Variants in BAIAP3 observed in about 807,000 individuals in gnomAD.
The protein encoded by BAIAP3 is BAI1-associated protein 3.
A neutral mutation model predicts 149.7 loss-of-function variants in BAIAP3; 180 were observed. That is an observed-to-expected ratio of 1.20 (90% CI 1.07 to 1.36). The LOEUF (loss-of-function observed/expected upper bound fraction) is 1.36. Ranked by LOEUF, BAIAP3 falls within the 40% of genes most tolerant of loss-of-function variation. The pLI is 0.00. For synonymous variants in BAIAP3, 845 were observed against 670.7 expected (o/e 1.26, Z -4.02); for missense variants, 1,767 against 1,563.4 (o/e 1.13, Z -2.20).
intron 1 of BAIAP3, among the ~76,000 whole-genome samples, 181 bp downstream of exon 1, chr16:1,333,930 CTG>C (rs2033290697): frequency 3.3e-5 from 5 of 152,154 alleles, no homozygotes; most frequent in Admixed American, 2.6e-4. Context: ...CCTGGGGAAA[CTG>C]AGGCCGCGCA....
At position 1,348,233 on chromosome 16, in the gene BAIAP3, C is replaced by A. The variant is rs2034526014; in HGVS notation, c.3287C>A (p.Pro1096His). Residue 1096 changes from proline (P) to histidine (H), a missense_variant, in exon 33 of 34, where the codon CCC (proline) becomes CAC (histidine). By Grantham distance (77) the Pro-to-His change is moderately conservative (BLOSUM62 -2). Coordinates refer to ENST00000426824, the MANE Select transcript of BAIAP3 (RefSeq NM_001199097.2). ...GLGGVTGVAR[P>H]QVGGGARAGQ... ...GGTGGCGTCACTGGTGTCGCCCGGC[C>A]CCAGGTGGGCGGGGGTGCAAGGGCT... 3 of 1,606,328 alleles carry A rather than the reference C, an allele frequency of 1.9e-6. No individual in the cohort carries two copies. Among genetic ancestry groups the A allele is most frequent in the African/African-American group, 2.7e-5 (2 of 74,904 alleles).
intron 22 of BAIAP3, 157 bp downstream of exon 22, chr16:1,345,529 A>AGCCTCCCCCACAACCCCC: frequency 1.7e-6 from 1 of 593,514 alleles, no homozygotes; most frequent in Non-Finnish European, 2.4e-6. Flanking sequence ...CCGCAACCCC[A>AGCCTCCCCCACAACCCCC]GCCTCCCCAG....
rs1207153916 is a variant in BAIAP3 at position 1,342,244 on chromosome 16, C to T, written c.918C>T (p.His306=). The change falls in exon 11 of 34, where the codon CAC becomes CAT. Residue 306 remains histidine, a synonymous_variant. Transcript: ENST00000426824. ...ANGTAGPTED[H]TDDFLGCLNI... Reference sequence around the variant, plus strand: ...GGACAGCAGGACCCACCGAGGACCACACCGATGACTTCCTGGGGTGCCTCA... The same window carrying T: ...GGACAGCAGGACCCACCGAGGACCATACCGATGACTTCCTGGGGTGCCTCA... The T allele has an allele frequency of 6.2e-7, 1 of 1,612,594 alleles. No homozygotes were observed. The highest frequency in any genetic ancestry group is 8.5e-7 in the Non-Finnish European group (1 of 1,179,832).
In BAIAP3 at chr16:1,344,456, G is replaced by A. The variant is rs773460677; in HGVS notation, c.1603-13G>A. On this transcript the variant is annotated splice_polypyrimidine_tract_variant and intron_variant, in intron 17 of 33. Coordinates refer to ENST00000426824, the MANE Select transcript of BAIAP3 (RefSeq NM_001199097.2). The stretch of plus-strand genomic sequence containing the variant: ...TGCAATCCACCATGCTGTCTTGGTG[G>A]TGTCTGTTGCAGAGAGGCAACCGTG... 6.2e-7 allele frequency: 1 copy of A among 1,613,454 alleles called. No homozygotes were observed. The highest frequency in any genetic ancestry group is 8.5e-7 in the Non-Finnish European group (1 of 1,180,000).
At chr16:1,346,569 G>A (rs1297281954) in intron 26 of BAIAP3, 36 bp from the exon 27 acceptor site, 1 of 1,570,972 alleles carries the variant, frequency 6.4e-7, no homozygotes, top group Non-Finnish European at 8.6e-7. Context: ...GGGCAGAGGT[G>A]CGGGGTAAGC....
chr16:1,345,326 G>C lies in BAIAP3; in HGVS notation c.2018G>C (p.Arg673Thr). Reference protein sequence around the residue: ...PAVKLWFQVLRDQAKWRLQGA... With the variant: ...PAVKLWFQVLTDQAKWRLQGA... The stretch of plus-strand genomic sequence containing the variant: ...GTGAAGCTCTGGTTCCAAGTGCTGA[G>C]GGACCAGGCCAAGTGGAGGCTTCAG... Residue 673 changes from arginine to threonine, a missense_variant, in exon 22 of 34, where the codon AGG becomes ACG. Physicochemically the swap from Arg to Thr is moderately conservative, Grantham distance 71 (BLOSUM62 -1). Coordinates refer to ENST00000426824, the MANE Select transcript of BAIAP3 (RefSeq NM_001199097.2). 3 of 1,613,082 alleles carry C rather than the reference G, an allele frequency of 1.9e-6. No individual in the cohort carries two copies. Among genetic ancestry groups the C allele is most frequent in the Non-Finnish European group, 2.5e-6 (3 of 1,179,900 alleles).
chr16:1,344,403 G>C (rs954625802), intron 17 of BAIAP3, 66 bp from the exon 18 acceptor site: 5 of 1,610,108 alleles, frequency 3.1e-6, no homozygotes, highest in East Asian at 4.5e-5. Context: ...TCTGCACCAC[G>C]GTCTCTTGCC....
Position 1,349,370 on chromosome 16 carries a change from A to G in BAIAP3, c.*888A>G. 6.3e-7 allele frequency: 1 copy of G among 1,587,976 alleles called. No individual in the cohort carries two copies. Among genetic ancestry groups the G allele is most frequent in the Non-Finnish European group, 8.6e-7 (1 of 1,157,312 alleles). On this transcript the variant is annotated 3_prime_UTR_variant, in exon 34 of 34. Coordinates refer to ENST00000426824, the MANE Select transcript of BAIAP3 (RefSeq NM_001199097.2). ...GCAAAGAGCCGAGGCTGCCAGGCCC[A>G]TTTATGTCCCTCATGTCTCTAGATT...
chr16:1,345,177 A>G, intron 21 of BAIAP3, 72 bp from the exon 22 acceptor site: 1 of 1,609,224 alleles, frequency 6.2e-7, no homozygotes, highest in Non-Finnish European at 8.5e-7. Context: ...ACGGTCCTGG[A>G]GCTGTGAGCC....
chr16:1,347,769 G>C lies in BAIAP3; in HGVS notation c.2973G>C (p.Arg991=). 2.5e-6 allele frequency: 4 copies of C among 1,609,388 alleles called. No individual in the cohort carries two copies. The highest frequency in any genetic ancestry group is 3.4e-6 in the Non-Finnish European group (4 of 1,177,386). ...VRCHYEAAEQ[R]LAVEVLHAAD... ...GCCATTACGAGGCGGCTGAGCAGCG[G>C]CTGGCCGTGGAGGTGCTGCACGCCG... The change falls in exon 31 of 34, where the codon CGG becomes CGC. Residue 991 remains arginine (R), a synonymous_variant. Coordinates refer to ENST00000426824, the MANE Select transcript of BAIAP3 (RefSeq NM_001199097.2).
At position 1,347,248 on chromosome 16, in the gene BAIAP3, C is replaced by T. The variant is rs745756238; in HGVS notation, c.2752-50C>T. ...TTGTGCTGGGGGTCTCTACCTGTCC[C>T]CAGCACAAGCCAGGCTCCCTGACAC... is the stretch of plus-strand genomic sequence containing the variant. On this transcript the variant is annotated intron_variant, in intron 28 of 33. Coordinates refer to ENST00000426824, the MANE Select transcript of BAIAP3 (RefSeq NM_001199097.2). 13 of 1,585,262 alleles carry T rather than the reference C, an allele frequency of 8.2e-6. No homozygotes were observed. The African/African-American group carries it at 1.5e-4, about 18-fold the overall frequency.
intron 5 of BAIAP3, among the ~76,000 whole-genome samples, chr16:1,340,670 ACTC>A (rs1389180163): frequency 6.6e-6 from 1 of 152,072 alleles, no homozygotes; most frequent in African/African-American, 2.4e-5. Flanking sequence ...TGTGCTCTGA[ACTC>A]CCCTGTCCTC....
chr16:1,344,864 T>C lies in BAIAP3; in HGVS notation c.1809+15T>C. The C allele has an allele frequency of 6.2e-7, 1 of 1,613,700 alleles. No individual in the cohort carries two copies. Among genetic ancestry groups the C allele is most frequent in the Non-Finnish European group, 8.5e-7 (1 of 1,180,022 alleles). ...TGGAGCGTCTGGTGAGGAGGGTCCC[T>C]GACCCCGGGTGCCTGCCAGGCATGG... is the stretch of plus-strand genomic sequence containing the variant. On this transcript the variant is annotated intron_variant, in intron 20 of 33. Transcript: ENST00000426824.
chr16:1,342,129 C>T, intron 10 of BAIAP3, 52 bp from the exon 11 acceptor site: 1 of 1,567,902 alleles, frequency 6.4e-7, no homozygotes, highest in Non-Finnish European at 8.7e-7. Flanking sequence ...GCCCGGCGGG[C>T]AGTGGCTCCC....
intron 5 of BAIAP3, 37 bp downstream of exon 5, chr16:1,339,640 C>T: frequency 6.6e-7 from 1 of 1,523,510 alleles, no homozygotes; most frequent in Non-Finnish European, 9.0e-7. Flanking sequence ...ACCCTGACAG[C>T]TTCCCCACCT....
chr16:1,341,451 C>T lies in BAIAP3; in HGVS notation c.693C>T (p.Ser231=), dbSNP rs1221926683. ...AKCIQVTEVK[S]STLNPVWKEH... The stretch of plus-strand genomic sequence containing the variant: ...GCATCCAGGTCACCGAGGTGAAGAG[C>T]AGCACCCTGAACCCCGTCTGGAAGG... The change falls in exon 8 of 34, where the codon AGC becomes AGT. Residue 231 remains serine (S), a synonymous_variant. Transcript: ENST00000426824. 2.5e-6 allele frequency: 4 copies of T among 1,612,316 alleles called. No individual in the cohort carries two copies. The African/African-American group carries it at 5.3e-5, about 22-fold the overall frequency.
Position 1,341,467 on chromosome 16 carries a change from G to A in BAIAP3, c.709G>A (p.Val237Ile), listed in dbSNP as rs752184065. 61 of 1,611,034 alleles carry A rather than the reference G, an allele frequency of 3.8e-5. No individual in the cohort carries two copies. The highest frequency in any genetic ancestry group is 1.8e-4 in the Admixed American group (11 of 59,962). The change falls in exon 8 of 34, where the codon GTC becomes ATC. Residue 237 changes from valine to isoleucine, a missense_variant. Coordinates refer to ENST00000426824, the MANE Select transcript of BAIAP3 (RefSeq NM_001199097.2). ...GGTGAAGAGCAGCACCCTGAACCCC[G>A]TCTGGAAGGAGCACTTCCTCTTGTG... is the stretch of plus-strand genomic sequence containing the variant. ...TEVKSSTLNP[V>I]WKEHFLFEIE...
At chr16:1,336,127 C>T (rs2033436939) in intron 1 of BAIAP3, 1 of 797,502 alleles carries the variant, frequency 1.3e-6, no homozygotes, top group East Asian at 1.2e-4. Flanking sequence ...GACTGCGAGC[C>T]CCCATCGCCC....
Position 1,346,054 on chromosome 16 carries a change from G to A in BAIAP3, c.2277G>A (p.Ala759=), listed in dbSNP as rs752289106. The A allele has an allele frequency of 2.4e-5, 38 of 1,611,350 alleles. No individual in the cohort carries two copies. The highest frequency in any genetic ancestry group is 6.7e-5 in the East Asian group (3 of 44,852). The change falls in exon 24 of 34, where the codon GCG becomes GCA. Residue 759 remains alanine, a synonymous_variant. Coordinates refer to ENST00000426824, the MANE Select transcript of BAIAP3 (RefSeq NM_001199097.2). The part of the protein sequence containing the change: ...LRKKVDTQPG[A]AGEAVSEALC... ...AGAAGGTGGACACTCAGCCAGGGGC[G>A]GCCGGTGAAGCAGTGAGCGAGGCGG...
Sources: gnomAD v4.1 joint callset for allele counts (sites outside exome capture counted in the v4.1 genomes callset) on GRCh38, gnomAD v4.1.1 for gene constraint, MANE v1.5 for transcripts, NCBI Gene and HGNC (gene_info 2026-07-23, HGNC 2026-07-21) for gene names.